Variants in IMMP2L observed in about 807,000 individuals in gnomAD.
IMMP2L encodes the protein inner mitochondrial membrane peptidase subunit 2.
Under a neutral mutation model 19.3 loss-of-function variants are expected in IMMP2L, and 18 were observed. The observed-to-expected ratio is 0.93, with a 90% CI of 0.64 to 1.38. IMMP2L has a LOEUF of 1.38. Among genes scored for constraint, IMMP2L ranks in the 40% most tolerant of loss-of-function variants. The pLI is 0.00. For synonymous variants in IMMP2L, 76 were observed against 73.0 expected, an observed-to-expected ratio of 1.04 and a Z score of -0.21; for missense variants, 233 against 218.2, an observed-to-expected ratio of 1.07 and a Z score of -0.43.
chr7:110,770,383 G>T (rs1798957802), intron 5 of IMMP2L, among the ~76,000 whole-genome samples: 1 of 152,086 alleles, frequency 6.6e-6, no homozygotes, highest in African/African-American at 2.4e-5. Context: ...ATATTAAAAG[G>T]TTTAAGAGAA....
chr7:111,087,373 C>G (rs930391866), intron 3 of IMMP2L, among the ~76,000 whole-genome samples: 1 of 150,020 alleles, frequency 6.7e-6, no homozygotes, highest in African/African-American at 2.5e-5. Context: ...CACTTGAACC[C>G]GGAAGGTGTT....
chr7:111,311,439 T>C lies in IMMP2L; in HGVS notation c.239+175799A>G, dbSNP rs187358605. Among the ~76,000 whole-genome samples, 17 of 152,180 alleles carry C rather than the reference T, an allele frequency of 1.1e-4. No homozygotes were observed. In the South Asian group the frequency reaches 3.3e-3, roughly 30 times the overall value. Reference sequence around the variant, plus strand: ...GTCTCCCCTCCCTGCCAAGGATTAGTGTCAAGTAAGAGCCATGTATGGTAA... The same window carrying C: ...GTCTCCCCTCCCTGCCAAGGATTAGCGTCAAGTAAGAGCCATGTATGGTAA... On this transcript the variant is annotated intron_variant, in intron 3 of 5. Transcript: ENST00000405709.
chr7:111,252,892 A>C (rs935655850), intron 3 of IMMP2L, among the ~76,000 whole-genome samples: 4 of 152,152 alleles, frequency 2.6e-5, no homozygotes, highest in African/African-American at 9.7e-5. Flanking sequence ...CAAAACTGAC[A>C]ATGTCATTTA....
intron 3 of IMMP2L, among the ~76,000 whole-genome samples, chr7:111,239,775 A>G (rs1814783686): frequency 6.6e-6 from 1 of 151,976 alleles, no homozygotes; most frequent in Non-Finnish European, 1.5e-5. Flanking sequence ...GGGAAAAATG[A>G]GCCAAATCAA....
intron 3 of IMMP2L, among the ~76,000 whole-genome samples, chr7:111,092,142 TG>T (rs1796937116): frequency 6.6e-6 from 1 of 152,156 alleles, no homozygotes; most frequent in African/African-American, 2.4e-5. Context: ...TCTTACGGAC[TG>T]GGGTAAATGA....
chr7:110,808,019 TA>T lies in IMMP2L; in HGVS notation c.408+78573del, dbSNP rs543009380. Among the ~76,000 whole-genome samples the T allele has an allele frequency of 5.7e-4, 86 of 152,160 alleles. 1 individual carries two copies. The highest frequency in any genetic ancestry group is 2.0e-3 in the African/African-American group (83 of 41,564). ...GTTTGCTAAAATATTCTCAAAGTTT[TA>T]AAATTTTACCTTAAAAAAAGATTGC... On this transcript the variant is annotated intron_variant, in intron 5 of 5. Transcript: ENST00000405709.
At chr7:111,070,205 T>G (rs900774232) in intron 3 of IMMP2L, among the ~76,000 whole-genome samples, 5 of 152,100 alleles carry the variant, frequency 3.3e-5, no homozygotes, top group Non-Finnish European at 5.9e-5. Flanking sequence ...AGTTATAAAT[T>G]CAATTGGAAA....
chr7:110,990,672 CTG>C (rs1354775573), intron 3 of IMMP2L, among the ~76,000 whole-genome samples: 7 of 152,268 alleles, frequency 4.6e-5, no homozygotes, highest in African/African-American at 1.7e-4. Flanking sequence ...AGCTGGGTTG[CTG>C]TGTAAGCCTC....
intron 3 of IMMP2L, among the ~76,000 whole-genome samples, chr7:111,280,554 G>A (rs903957870): frequency 6.6e-6 from 1 of 151,992 alleles, no homozygotes; most frequent in African/African-American, 2.4e-5. Context: ...AACAGTGGTT[G>A]GTACACATCA....
At chr7:110,959,716 A>G (rs1040888672) in intron 4 of IMMP2L, among the ~76,000 whole-genome samples, 1 of 151,946 alleles carries the variant, frequency 6.6e-6, no homozygotes, top group Non-Finnish European at 1.5e-5. Flanking sequence ...TACATGATAG[A>G]GGTGTACCAA....
chr7:111,106,269 T>G (rs190791599), intron 3 of IMMP2L, among the ~76,000 whole-genome samples: 8 of 151,918 alleles, frequency 5.3e-5, no homozygotes, highest in African/African-American at 1.9e-4. Context: ...TGTGGAACAA[T>G]TGAAGCACAA....
chr7:111,539,706 A>G lies in IMMP2L; in HGVS notation c.-2-18257T>C, dbSNP rs570364318. 4.6e-5 allele frequency among the ~76,000 whole-genome samples: 7 copies of G among 152,154 alleles called. No homozygotes were observed. The East Asian group carries it at 1.4e-3, about 29-fold the overall frequency. On this transcript the variant is annotated intron_variant, in intron 1 of 5. Coordinates refer to ENST00000405709, the MANE Select transcript of IMMP2L (RefSeq NM_032549.4). The stretch of plus-strand genomic sequence containing the variant: ...GGGTTCACTACATTAAAATAAGAAT[A>G]AAAGAAAAAAAGAAAAAGGTTAAAA...
chr7:110,868,665 G>C (rs1808241985), intron 5 of IMMP2L, among the ~76,000 whole-genome samples: 1 of 151,960 alleles, frequency 6.6e-6, no homozygotes, highest in African/African-American at 2.4e-5. Flanking sequence ...ACTGGCATTG[G>C]GCAGGCATTG....
At chr7:111,478,315 TTTAAA>T (rs1417438397) in intron 3 of IMMP2L, among the ~76,000 whole-genome samples, 1 of 152,184 alleles carries the variant, frequency 6.6e-6, no homozygotes, top group African/African-American at 2.4e-5. Flanking sequence ...CTAGAATTTC[TTTAAA>T]TTATTTTTAT....
At chr7:111,158,881 G>A (rs1026035579) in intron 3 of IMMP2L, among the ~76,000 whole-genome samples, 5 of 152,026 alleles carry the variant, frequency 3.3e-5, no homozygotes, top group Admixed American at 3.3e-4. Flanking sequence ...TTCTCCAATA[G>A]ATGCTTTATG....
chr7:110,818,840 C>T (rs1562997315), intron 5 of IMMP2L, among the ~76,000 whole-genome samples: 1 of 151,460 alleles, frequency 6.6e-6, no homozygotes, highest in Non-Finnish European at 1.5e-5. Context: ...AACCATCATT[C>T]TCAGCAAACT....
intron 3 of IMMP2L, among the ~76,000 whole-genome samples, chr7:111,234,233 A>G (rs538657353): frequency 5.8e-4 from 89 of 152,244 alleles, no homozygotes; most frequent in African/African-American, 2.0e-3. Context: ...ATTTTCTACA[A>G]GTCTTTCTGT....
At chr7:111,071,872 T>C (rs1178797514) in intron 3 of IMMP2L, among the ~76,000 whole-genome samples, 1 of 152,184 alleles carries the variant, frequency 6.6e-6, no homozygotes, top group Non-Finnish European at 1.5e-5. Flanking sequence ...CATTTATAAA[T>C]GATTACTTTT....
chr7:111,469,280 A>T lies in IMMP2L; in HGVS notation c.239+17958T>A, dbSNP rs1402607261. Among the ~76,000 whole-genome samples, 7 of 152,150 alleles carry T rather than the reference A, an allele frequency of 4.6e-5. No homozygotes were observed. In the East Asian group the frequency reaches 1.4e-3, roughly 29 times the overall value. ...TATGAACTTTAAAGTAGTTTTTTCC[A>T]ATTCTGTGAAGAAAGTCATTGGTAG... On this transcript the variant is annotated intron_variant, in intron 3 of 5. Transcript: ENST00000405709.
Sources: allele counts gnomAD v4.1 joint callset (sites outside exome capture counted in the v4.1 genomes callset), GRCh38; gene constraint gnomAD v4.1.1; transcripts MANE v1.5; gene names NCBI Gene and HGNC (gene_info 2026-07-23, HGNC 2026-07-21).